The following GALR1 variants were observed in gnomAD, a reference collection of about 807,000 sequenced individuals.
The protein encoded by GALR1 is galanin receptor type 1.
Under a neutral mutation model 17.9 loss-of-function variants are expected in GALR1, and 11 were observed. That is an observed-to-expected ratio of 0.62 (90% CI 0.39 to 1.02). The LOEUF (loss-of-function observed/expected upper bound fraction) is 1.02, where lower values mean the gene tolerates loss of function less well. Among genes scored for constraint, GALR1 ranks in the 50% least tolerant of loss-of-function variants. The pLI is 0.01. For missense variants in GALR1, 441 were observed against 456.9 expected, an observed-to-expected ratio of 0.97 and a Z score of 0.32; for synonymous variants, 206 against 205.7, an observed-to-expected ratio of 1.00 and a Z score of -0.01.
rs377700030 is a variant in GALR1, at chr18:77,268,921, T to G, written c.*19T>G. The G allele has an allele frequency of 1.0e-4, 158 of 1,572,874 alleles. No homozygotes were observed. The highest frequency in any genetic ancestry group is 1.3e-4 in the Non-Finnish European group (148 of 1,147,658). On this transcript the variant is annotated 3_prime_UTR_variant, in exon 3 of 3. Transcript: ENST00000299727. ...TGTGTGATAAAAGATAGAGTATCCT[T>G]ATGGTTGAGTTTCCATATAAGTGGA...
chr18:77,258,466 G>C (rs1912641574), intron 2 of GALR1, among the ~76,000 whole-genome samples: 1 of 151,526 alleles, frequency 6.6e-6, no homozygotes, highest in East Asian at 2.0e-4. Flanking sequence ...TGATGGTGGT[G>C]GTATTGGTGG....
chr18:77,258,814 AGTG>A lies in GALR1; in HGVS notation c.732+2601_732+2603del, dbSNP rs1277286985. Among the ~76,000 whole-genome samples the A allele has an allele frequency of 9.3e-5, 3 of 32,306 alleles. 1 individual carries two copies. In the South Asian group the frequency reaches 3.2e-3, roughly 35 times the overall value. 21.2% of individuals were successfully genotyped at this position (32,306 alleles called of 152,430 possible). ...TGGTGGTGATGGTGGTGGTGGTCAT[AGTG>A]GTGGTGGTGCTGGTGATGGTGGTGA... On this transcript the variant is annotated intron_variant, in intron 2 of 2. Transcript: ENST00000299727.
Position 77,269,934 on chromosome 18 carries a change from A to G in GALR1, c.*1032A>G, listed in dbSNP as rs1219321330. On this transcript the variant is annotated 3_prime_UTR_variant, in exon 3 of 3. Transcript: ENST00000299727. ...GGACTGAATATACCTGGGGTATCCT[A>G]TCTTGTACAAATGCATGCTTTTTCA... 6.6e-6 allele frequency: 1 copy of G among 152,226 alleles called. No individual in the cohort carries two copies. Among genetic ancestry groups the G allele is most frequent in the African/African-American group, 2.4e-5 (1 of 41,460 alleles). The allele number at this position is 152,226 out of a possible 1,614,324, so 9.4% of individuals were successfully genotyped here.
Position 77,251,057 on chromosome 18 carries a change from T to A in GALR1, c.509T>A (p.Val170Glu). ...WALSIAMASP[V>E]AYHQGLFHPR... ...CTGTCCATTGCCATGGCCTCGCCCG[T>A]GGCCTACCACCAGGGCCTCTTCCAC... The change falls in exon 1 of 3, where the codon GTG becomes GAG. Residue 170 changes from valine to glutamate, a missense_variant. By Grantham distance (121) the Val-to-Glu change is moderately radical (BLOSUM62 -2). Coordinates refer to ENST00000299727, the MANE Select transcript of GALR1 (RefSeq NM_001480.4). 1 of 1,608,172 alleles carries A rather than the reference T, an allele frequency of 6.2e-7. No individual in the cohort carries two copies. Among genetic ancestry groups the A allele is most frequent in the Non-Finnish European group, 8.5e-7 (1 of 1,179,862 alleles).
chr18:77,250,454 T>G lies in GALR1; in HGVS notation c.-95T>G, dbSNP rs1264543331. 1.2e-5 allele frequency: 15 copies of G among 1,289,128 alleles called. No homozygotes were observed. The highest frequency in any genetic ancestry group is 1.5e-5 in the Non-Finnish European group (15 of 987,858). 79.9% of individuals were successfully genotyped at this position (1,289,128 alleles called of 1,614,324 possible). On this transcript the variant is annotated 5_prime_UTR_variant, in exon 1 of 3. Coordinates refer to ENST00000299727, the MANE Select transcript of GALR1 (RefSeq NM_001480.4). ...CAGACTCCTAAACTCGCACTCTCCGTGCTTTGCGCCGGGACCCCTGGCCAC... is the reference window on the plus strand; with the variant it reads ...CAGACTCCTAAACTCGCACTCTCCGGGCTTTGCGCCGGGACCCCTGGCCAC...
rs1912403071 is a variant in GALR1 at position 77,251,193 on chromosome 18, C to A, written c.645C>A (p.Leu215=). 6.2e-7 allele frequency: 1 copy of A among 1,608,902 alleles called. No individual in the cohort carries two copies. The highest frequency in any genetic ancestry group is 2.2e-5 in the East Asian group (1 of 44,716). Residue 215 remains leucine (L), a synonymous_variant, in exon 1 of 3, where the codon CTC becomes CTA. Transcript: ENST00000299727. ...FVFGYLLPLL[L]ICFCYAKVLN... ...TCGGCTACCTGCTGCCGCTCCTGCT[C>A]ATCTGCTTCTGCTATGCCAAGGTGC... is the stretch of plus-strand genomic sequence containing the variant.
At chr18:77,265,019 C>T (rs1912916303) in intron 2 of GALR1, among the ~76,000 whole-genome samples, 1 of 152,176 alleles carries the variant, frequency 6.6e-6, no homozygotes, top group South Asian at 2.1e-4. Context: ...TTTCAAAACA[C>T]AATCATGCCC....
rs1018438073 is a variant in GALR1 at position 77,250,498 on chromosome 18, C to T, written c.-51C>T. On this transcript the variant is annotated 5_prime_UTR_variant, in exon 1 of 3. Transcript: ENST00000299727. Reference sequence around the variant, plus strand: ...TGGCCACCCCCGGCGCCTACTATCCCGCCCTCCCTCCCCGCGCGCCCCGCC... The same window carrying T: ...TGGCCACCCCCGGCGCCTACTATCCTGCCCTCCCTCCCCGCGCGCCCCGCC... The T allele has an allele frequency of 1.4e-6, 2 of 1,423,180 alleles. No individual in the cohort carries two copies. Among genetic ancestry groups the T allele is most frequent in the Admixed American group, 3.1e-5 (1 of 32,646 alleles). 88.2% of individuals were successfully genotyped at this position (1,423,180 alleles called of 1,614,324 possible). A position where few individuals can be genotyped will look rare whatever the true frequency, so the allele number is the denominator to read the frequency against.
rs1912991691 is a variant in GALR1, at chr18:77,268,571, T to TCC, written c.733-14_733-13insCC. 5.1e-6 allele frequency: 8 copies of TCC among 1,565,698 alleles called. No homozygotes were observed. The highest frequency in any genetic ancestry group is 1.8e-5 in the Admixed American group (1 of 54,956). On this transcript the variant is annotated splice_polypyrimidine_tract_variant and intron_variant, in intron 2 of 2. Transcript: ENST00000299727. ...CCTCCTCCTCCTCCTCCTCCTCCTC[T>TCC]TCTTCTTTTCTAGACTGCACAGACA...
Position 77,275,541 on chromosome 18 carries a change from T to C in GALR1, c.*6639T>C, listed in dbSNP as rs370229489. On this transcript the variant is annotated 3_prime_UTR_variant, in exon 3 of 3. Coordinates refer to ENST00000299727, the MANE Select transcript of GALR1 (RefSeq NM_001480.4). ...AGCGTGATAGACAGGTGTCTTGCTA[T>C]GTGACTTGCCATTGCGGTCACTGGT... is the stretch of plus-strand genomic sequence containing the variant. 6 of 152,388 alleles carry C rather than the reference T, an allele frequency of 3.9e-5. No homozygotes were observed. The highest frequency in any genetic ancestry group is 1.4e-4 in the African/African-American group (6 of 41,596). The allele number at this position is 152,388 out of a possible 1,614,324, so 9.4% of individuals were successfully genotyped here.
At chr18:77,258,728 GTGATGGTGA>G (rs1912682244) in intron 2 of GALR1, among the ~76,000 whole-genome samples, 2 of 139,274 alleles carry the variant, frequency 1.4e-5, no homozygotes, top group African/African-American at 2.8e-5. Flanking sequence ...GGTGATGGTG[GTGATGGTGA>G]TGATGGTTAT....
rs971562042 is a variant in GALR1, at chr18:77,274,773, A to G, written c.*5871A>G. The G allele has an allele frequency of 6.6e-6, 1 of 152,206 alleles. No individual in the cohort carries two copies. The highest frequency in any genetic ancestry group is 1.5e-5 in the Non-Finnish European group (1 of 68,032). 9.4% of individuals were successfully genotyped at this position (152,206 alleles called of 1,614,324 possible). On this transcript the variant is annotated 3_prime_UTR_variant, in exon 3 of 3. Coordinates refer to ENST00000299727, the MANE Select transcript of GALR1 (RefSeq NM_001480.4). ...AGAATCATTAGAGAACAACTAATCCAAAAAATCTATCATCCTTTATTTGTG... is the reference window on the plus strand; with the variant it reads ...AGAATCATTAGAGAACAACTAATCCGAAAAATCTATCATCCTTTATTTGTG...
At position 77,250,414 on chromosome 18, in the gene GALR1, GC is replaced by G; in HGVS notation, c.-133del. ...CGGATCCCCGCTCCCGCTGGCTCGCGCCTCGGGGGAAGCTCAGACTCCTAAA... is the reference window on the plus strand; with the variant it reads ...CGGATCCCCGCTCCCGCTGGCTCGCGCTCGGGGGAAGCTCAGACTCCTAAA... On this transcript the variant is annotated 5_prime_UTR_variant, in exon 1 of 3. Coordinates refer to ENST00000299727, the MANE Select transcript of GALR1 (RefSeq NM_001480.4). 1.1e-6 allele frequency: 1 copy of G among 944,160 alleles called. No individual in the cohort carries two copies. The highest frequency in any genetic ancestry group is 2.3e-5 in the South Asian group (1 of 43,066). 58.5% of individuals were successfully genotyped at this position (944,160 alleles called of 1,614,324 possible). A position where few individuals can be genotyped will look rare whatever the true frequency, so the allele number is the denominator to read the frequency against.
chr18:77,268,608 G>A lies in GALR1; in HGVS notation c.756G>A (p.Val252=). ...KKKTAQTVLV[V]VVVFGISWLP... ...AGACTGCACAGACAGTTCTGGTGGT[G>A]GTTGTGGTGTTTGGAATCTCCTGGC... The change falls in exon 3 of 3, where the codon GTG becomes GTA. Residue 252 remains valine (V), a synonymous_variant. Transcript: ENST00000299727. 1.9e-6 allele frequency: 3 copies of A among 1,613,842 alleles called. No individual in the cohort carries two copies. The highest frequency in any genetic ancestry group is 2.5e-6 in the Non-Finnish European group (3 of 1,179,942).
intron 2 of GALR1, among the ~76,000 whole-genome samples, chr18:77,267,339 G>A (rs984649190): frequency 3.3e-5 from 5 of 152,194 alleles, no homozygotes; most frequent in African/African-American, 7.2e-5. Context: ...GGAGCATGTC[G>A]GCCTGGCTGC....
chr18:77,275,834 G>C lies in GALR1; in HGVS notation c.*6932G>C, dbSNP rs1444720050. ...AATGTAGCTTCAGAAATAGGTCTCA[G>C]TGTTCTGGCTCAGGGCGAGGTTACA... On this transcript the variant is annotated 3_prime_UTR_variant, in exon 3 of 3. Coordinates refer to ENST00000299727, the MANE Select transcript of GALR1 (RefSeq NM_001480.4). 6.6e-6 allele frequency: 1 copy of C among 152,204 alleles called. No individual in the cohort carries two copies. Among genetic ancestry groups the C allele is most frequent in the African/African-American group, 2.4e-5 (1 of 41,452 alleles). 9.4% of individuals were successfully genotyped at this position (152,204 alleles called of 1,614,324 possible). A position where few individuals can be genotyped will look rare whatever the true frequency, so the allele number is the denominator to read the frequency against.
intron 2 of GALR1, among the ~76,000 whole-genome samples, chr18:77,259,541 GTGGTGGTGA>G (rs1912778230): frequency 1.3e-5 from 2 of 149,518 alleles, no homozygotes; most frequent in South Asian, 4.3e-4. Context: ...GGTCATAGGG[GTGGTGGTGA>G]TGGTGGTGAT....
At chr18:77,262,505 A>G (rs1912854656) in intron 2 of GALR1, among the ~76,000 whole-genome samples, 1 of 152,236 alleles carries the variant, frequency 6.6e-6, no homozygotes, top group Admixed American at 6.5e-5. Context: ...TCAACCATGC[A>G]CATGGGTGTA....
Position 77,250,447 on chromosome 18 carries a change from C to G in GALR1, c.-102C>G. 1 of 1,246,034 alleles carries G rather than the reference C, an allele frequency of 8.0e-7. No individual in the cohort carries two copies. The highest frequency in any genetic ancestry group is 1.1e-6 in the Non-Finnish European group (1 of 949,578). 77.2% of individuals were successfully genotyped at this position (1,246,034 alleles called of 1,614,324 possible). On this transcript the variant is annotated 5_prime_UTR_variant, in exon 1 of 3. Coordinates refer to ENST00000299727, the MANE Select transcript of GALR1 (RefSeq NM_001480.4). ...GGAAGCTCAGACTCCTAAACTCGCA[C>G]TCTCCGTGCTTTGCGCCGGGACCCC...
Sources: gnomAD v4.1 joint callset for allele counts (sites outside exome capture counted in the v4.1 genomes callset) on GRCh38, gnomAD v4.1.1 for gene constraint, MANE v1.5 for transcripts, NCBI Gene and HGNC (gene_info 2026-07-23, HGNC 2026-07-21) for gene names.